Variants in EYA4 observed in about 807,000 individuals in gnomAD.
EYA4 encodes the protein protein phosphatase EYA4.
In EYA4, 31 loss-of-function variants were observed where a neutral mutation model predicts 87.9. That is an observed-to-expected ratio of 0.35 (90% confidence interval 0.27 to 0.48). The LOEUF (loss-of-function observed/expected upper bound fraction) is 0.48, where lower values mean the gene tolerates loss of function less well. Ranked by LOEUF, EYA4 falls within the 20% of genes least tolerant of loss-of-function variation. The pLI, the probability that EYA4 is intolerant of heterozygous loss-of-function variation, is 0.99. For missense variants in EYA4, 678 were observed against 761.4 expected (o/e 0.89, Z 1.29); for synonymous variants, 263 against 270.6 (o/e 0.97, Z 0.28).
chr6:133,503,640 A>G (rs1401824274), intron 13 of EYA4, among the ~76,000 whole-genome samples: 1 of 152,164 alleles, frequency 6.6e-6, no homozygotes, highest in Admixed American at 6.5e-5. Flanking sequence ...GACTTTGTTC[A>G]TGGTTCCATG....
intron 13 of EYA4, among the ~76,000 whole-genome samples, chr6:133,501,339 G>T (rs1042002690): frequency 1.3e-5 from 2 of 151,998 alleles, no homozygotes; most frequent in Non-Finnish European, 1.5e-5. Flanking sequence ...CCACATAAAG[G>T]TACGGGCTTT....
At chr6:133,459,304 T>C (rs942986525) in intron 6 of EYA4, among the ~76,000 whole-genome samples, 97 of 152,254 alleles carry the variant, frequency 6.4e-4, no homozygotes, top group African/African-American at 2.3e-3. Flanking sequence ...ATTCTAATGA[T>C]GTTTAGATTT....
At chr6:133,326,385 C>T (rs1231155233) in intron 2 of EYA4, among the ~76,000 whole-genome samples, 1 of 152,186 alleles carries the variant, frequency 6.6e-6, no homozygotes, top group Non-Finnish European at 1.5e-5. Flanking sequence ...TGGAGCATTT[C>T]AGATTTTGGA....
chr6:133,465,232 G>T (rs1192854547), intron 10 of EYA4, among the ~76,000 whole-genome samples: 1 of 151,998 alleles, frequency 6.6e-6, no homozygotes, highest in African/African-American at 2.4e-5. Context: ...AATATTAATT[G>T]ATTAAAATAA....
At chr6:133,483,405 C>T (rs1406362492) in intron 13 of EYA4, among the ~76,000 whole-genome samples, 1 of 151,880 alleles carries the variant, frequency 6.6e-6, no homozygotes, top group African/African-American at 2.4e-5. Context: ...AATTGTAAAT[C>T]GAAATGGACT....
chr6:133,327,477 A>C (rs1215970318), intron 2 of EYA4, among the ~76,000 whole-genome samples: 1 of 152,210 alleles, frequency 6.6e-6, no homozygotes, highest in Non-Finnish European at 1.5e-5. Context: ...GCTCAAAGAT[A>C]GTCAAAATAA....
At chr6:133,356,576 G>C (rs1350216019) in intron 2 of EYA4, among the ~76,000 whole-genome samples, 1 of 151,982 alleles carries the variant, frequency 6.6e-6, no homozygotes, top group Non-Finnish European at 1.5e-5. Flanking sequence ...TGAAGTGATC[G>C]TAGTGTCTAC....
chr6:133,324,500 A>C (rs1781338795), intron 2 of EYA4, among the ~76,000 whole-genome samples: 1 of 152,134 alleles, frequency 6.6e-6, no homozygotes, highest in Admixed American at 6.5e-5. Flanking sequence ...TTATTTTAAA[A>C]GTTTTTTTAT....
intron 3 of EYA4, among the ~76,000 whole-genome samples, chr6:133,428,682 G>A (rs1054769008): frequency 2.6e-5 from 4 of 152,034 alleles, no homozygotes; most frequent in African/African-American, 9.7e-5. Flanking sequence ...TAGAATGACT[G>A]GTAATACAAG....
At chr6:133,387,521 C>T (rs1786856492) in intron 3 of EYA4, among the ~76,000 whole-genome samples, 1 of 152,152 alleles carries the variant, frequency 6.6e-6, no homozygotes, top group African/African-American at 2.4e-5. Flanking sequence ...TCTGGTTGTA[C>T]AGACCACAGA....
chr6:133,267,911 T>C (rs1202479356), intron 1 of EYA4, among the ~76,000 whole-genome samples: 2 of 152,162 alleles, frequency 1.3e-5, no homozygotes, highest in Non-Finnish European at 2.9e-5. Context: ...AGTACAGAGA[T>C]GGATTGCTTT....
At position 133,529,355 on chromosome 6, in the gene EYA4, T is replaced by A; in HGVS notation, c.*550T>A. The A allele has an allele frequency of 1.0e-6, 1 of 994,376 alleles. No homozygotes were observed. Among genetic ancestry groups the A allele is most frequent in the Non-Finnish European group, 1.2e-6 (1 of 834,296 alleles). 61.6% of individuals were successfully genotyped at this position (994,376 alleles called of 1,614,324 possible). On this transcript the variant is annotated 3_prime_UTR_variant, in exon 20 of 20. Coordinates refer to ENST00000355286, the MANE Select transcript of EYA4 (RefSeq NM_004100.5). ...AGCTGACTTTCAAAGTGGATGCAAT[T>A]TTTCTTTCTTTTGTTGGGGAGGGGA...
At chr6:133,255,513 G>A (rs1358853614) in intron 1 of EYA4, among the ~76,000 whole-genome samples, 3 of 151,916 alleles carry the variant, frequency 2.0e-5, no homozygotes, top group Admixed American at 6.6e-5. Flanking sequence ...TTAAAAATAC[G>A]GATATATTTA....
At chr6:133,334,471 G>C (rs1197758936) in intron 2 of EYA4, among the ~76,000 whole-genome samples, 1 of 152,118 alleles carries the variant, frequency 6.6e-6, no homozygotes, top group Admixed American at 6.5e-5. Flanking sequence ...TTTTGTTGTT[G>C]TTCTTGAGGG....
intron 1 of EYA4, among the ~76,000 whole-genome samples, chr6:133,250,032 G>C (rs987529776): frequency 6.6e-6 from 1 of 152,192 alleles, no homozygotes; most frequent in African/African-American, 2.4e-5. Flanking sequence ...CTGGGAATGA[G>C]AGCAGAGATT....
intron 1 of EYA4, chr6:133,248,692 A>G (rs1338867429): frequency 6.6e-6 from 1 of 152,224 alleles, no homozygotes; most frequent in African/African-American, 2.4e-5. Context: ...GCAAATGTAT[A>G]TTCATGTGCG....
intron 2 of EYA4, among the ~76,000 whole-genome samples, chr6:133,344,618 G>A (rs1331460092): frequency 2.0e-5 from 3 of 151,930 alleles, no homozygotes; most frequent in African/African-American, 7.2e-5. Context: ...TTTTAAATGA[G>A]CTGGCATTTG....
Position 133,529,409 on chromosome 6 carries a change from GTC to G in EYA4, c.*608_*609del. On this transcript the variant is annotated 3_prime_UTR_variant, in exon 20 of 20. Coordinates refer to ENST00000355286, the MANE Select transcript of EYA4 (RefSeq NM_004100.5). ...GGAGGGGAAATGGGAATATAATATT[GTC>G]TCTTTTTTAAGTTTGGCAAACAGAA... 1.0e-6 allele frequency: 1 copy of G among 990,652 alleles called. No individual in the cohort carries two copies. Among genetic ancestry groups the G allele is most frequent in the Non-Finnish European group, 1.2e-6 (1 of 832,760 alleles). 61.4% of individuals were successfully genotyped at this position (990,652 alleles called of 1,614,324 possible). A position where few individuals can be genotyped will look rare whatever the true frequency, so the allele number is the denominator to read the frequency against.
intron 3 of EYA4, among the ~76,000 whole-genome samples, chr6:133,419,755 GC>G (rs1271540940): frequency 6.6e-6 from 1 of 152,152 alleles, no homozygotes; most frequent in Non-Finnish European, 1.5e-5. Flanking sequence ...ATGCAACAAT[GC>G]ATCCAGCCAT....
Sources: gnomAD v4.1 joint callset for allele counts (sites outside exome capture counted in the v4.1 genomes callset) on GRCh38, gnomAD v4.1.1 for gene constraint, MANE v1.5 for transcripts, NCBI Gene and HGNC (gene_info 2026-07-23, HGNC 2026-07-21) for gene names.